Variants in SYT9 observed in about 807,000 individuals in gnomAD.
The protein encoded by SYT9 is synaptotagmin-9.
A neutral mutation model predicts 48.4 loss-of-function variants in SYT9; 22 were observed. The ratio of observed to expected loss-of-function variants is 0.45; its 90% CI spans 0.32 to 0.65. SYT9 has a LOEUF of 0.65. Ranked by LOEUF, SYT9 falls within the 30% of genes least tolerant of loss-of-function variation. The pLI is 0.03. For synonymous variants in SYT9, 265 were observed against 245.0 expected (o/e 1.08, Z -0.76); for missense variants, 577 against 622.0 (o/e 0.93, Z 0.77).
chr11:7,379,398 C>G (rs1208666310), intron 3 of SYT9, among the ~76,000 whole-genome samples: 5 of 152,064 alleles, frequency 3.3e-5, no homozygotes, highest in Non-Finnish European at 7.4e-5. Flanking sequence ...TCCTAGGATG[C>G]TGAATTAAGC....
At chr11:7,401,785 A>G (rs1846898339) in intron 3 of SYT9, among the ~76,000 whole-genome samples, 1 of 151,490 alleles carries the variant, frequency 6.6e-6, no homozygotes, top group Non-Finnish European at 1.5e-5. Flanking sequence ...TTTCTGATCC[A>G]GTGTCACTAG....
intron 3 of SYT9, among the ~76,000 whole-genome samples, chr11:7,379,538 G>GT (rs1401013110): frequency 6.6e-6 from 1 of 152,058 alleles, no homozygotes; most frequent in Admixed American, 6.6e-5. Context: ...ATCTTCTTGT[G>GT]TCTTCTCCTT....
chr11:7,367,276 G>T (rs1290083392), intron 3 of SYT9, among the ~76,000 whole-genome samples: 1 of 144,928 alleles, frequency 6.9e-6, no homozygotes. Context: ...GGTATTTTTA[G>T]TAGAGACGGG....
At chr11:7,417,607 C>A (rs1847276505) in intron 4 of SYT9, among the ~76,000 whole-genome samples, 1 of 152,182 alleles carries the variant, frequency 6.6e-6, no homozygotes, top group Non-Finnish European at 1.5e-5. Flanking sequence ...AGCTGGGGGG[C>A]CTGTTTTCAG....
chr11:7,339,357 G>C (rs1849678427), intron 3 of SYT9, among the ~76,000 whole-genome samples: 1 of 152,066 alleles, frequency 6.6e-6, no homozygotes, highest in Admixed American at 6.6e-5. Context: ...TTACATTCAA[G>C]GTTAATATTG....
chr11:7,355,785 C>T (rs1850010563), intron 3 of SYT9, among the ~76,000 whole-genome samples: 1 of 152,222 alleles, frequency 6.6e-6, no homozygotes. Flanking sequence ...TGTTCAATGT[C>T]ACCTGGAGCT....
chr11:7,333,146 G>C (rs886985051), intron 3 of SYT9, among the ~76,000 whole-genome samples: 4 of 152,170 alleles, frequency 2.6e-5, no homozygotes, highest in Admixed American at 1.3e-4. Flanking sequence ...CCTTCAGATT[G>C]GATTATGCTT....
intron 3 of SYT9, among the ~76,000 whole-genome samples, chr11:7,390,741 G>C (rs1189591715): frequency 6.6e-6 from 1 of 152,094 alleles, no homozygotes; most frequent in Non-Finnish European, 1.5e-5. Flanking sequence ...AACCATCAGG[G>C]CATATTCTCT....
Position 7,252,304 on chromosome 11 carries a change from CGTGCCAGACCCCGG to C in SYT9, c.119_132del (p.Arg40ProfsTer47). 6.6e-7 allele frequency: 1 copy of C among 1,505,716 alleles called. No homozygotes were observed. Among genetic ancestry groups the C allele is most frequent in the Non-Finnish European group, 8.9e-7 (1 of 1,126,606 alleles). The allele number at this position is 1,505,716 out of a possible 1,614,324, so 93.3% of individuals were successfully genotyped here. ...GGATTTCATTTACCACCTGCGGGAC[CGTGCCAGACCCCGG>C]CTCCGCGACCCAGGTGAGTGCCGCC... is the stretch of plus-strand genomic sequence containing the variant. On this transcript the variant is annotated frameshift_variant, in exon 1 of 7. Coordinates refer to ENST00000318881, the MANE Select transcript of SYT9 (RefSeq NM_175733.4). LOFTEE classifies it high-confidence loss of function. The surrounding 1 kb of genome is among the most constrained non-coding windows in gnomAD (Gnocchi z 6.3).
At chr11:7,308,693 A>T (rs1472956280) in intron 2 of SYT9, among the ~76,000 whole-genome samples, 1 of 152,114 alleles carries the variant, frequency 6.6e-6, no homozygotes. Context: ...TCTCCCTCTC[A>T]TCTTCTGGTG....
intron 1 of SYT9, among the ~76,000 whole-genome samples, chr11:7,239,611 A>G (rs557179477): frequency 6.6e-6 from 1 of 152,348 alleles, no homozygotes; most frequent in South Asian, 2.1e-4. Context: ...TCTGTAGACT[A>G]ATAGATACTG....
chr11:7,280,047 T>C (rs531245614), intron 1 of SYT9, among the ~76,000 whole-genome samples: 2 of 152,324 alleles, frequency 1.3e-5, no homozygotes, highest in African/African-American at 4.8e-5. Flanking sequence ...GCTGCCTGGA[T>C]TGGGGGCAGG....
intron 4 of SYT9, among the ~76,000 whole-genome samples, chr11:7,417,524 TAG>T (rs1847274566): frequency 6.6e-6 from 1 of 152,134 alleles, no homozygotes; most frequent in Admixed American, 6.5e-5. Context: ...CTCTGTCCTC[TAG>T]GAATTCAGAA....
chr11:7,391,775 G>T (rs1846620996), intron 3 of SYT9, among the ~76,000 whole-genome samples: 1 of 96,756 alleles, frequency 1.0e-5, no homozygotes, highest in Non-Finnish European at 2.3e-5. Flanking sequence ...ACCTAGCTAG[G>T]CGTGGTGGCA....
intron 6 of SYT9, among the ~76,000 whole-genome samples, chr11:7,463,108 G>T (rs1198757758): frequency 6.6e-6 from 1 of 152,168 alleles, no homozygotes; most frequent in Non-Finnish European, 1.5e-5. Flanking sequence ...TACTGGAGTT[G>T]TTGGTACCTT....
intron 3 of SYT9, among the ~76,000 whole-genome samples, chr11:7,375,344 GT>G (rs1460077826): frequency 3.3e-5 from 5 of 152,160 alleles, no homozygotes; most frequent in African/African-American, 1.2e-4. Context: ...TTGAAATCAG[GT>G]AGCGTGATGC....
At chr11:7,449,718 C>G (rs1848008074) in intron 6 of SYT9, among the ~76,000 whole-genome samples, 1 of 152,122 alleles carries the variant, frequency 6.6e-6, no homozygotes, top group Admixed American at 6.6e-5. Context: ...CCACAGGAAG[C>G]AAGGTGACCA....
At chr11:7,403,529 G>T (rs1476203677) in intron 3 of SYT9, among the ~76,000 whole-genome samples, 1 of 151,952 alleles carries the variant, frequency 6.6e-6, no homozygotes, top group Admixed American at 6.6e-5. Flanking sequence ...TCCAGTCTGG[G>T]CAACAAAGCA....
intron 2 of SYT9, among the ~76,000 whole-genome samples, chr11:7,306,720 T>A (rs979461394): frequency 6.6e-6 from 1 of 152,172 alleles, no homozygotes; most frequent in Non-Finnish European, 1.5e-5. Flanking sequence ...CCCCGGCCAC[T>A]CCATCTGAAG....
Sources: allele counts gnomAD v4.1 joint callset (sites outside exome capture counted in the v4.1 genomes callset), GRCh38; gene constraint gnomAD v4.1.1; non-coding constraint Gnocchi (gnomAD v3.1); transcripts MANE v1.5; gene names NCBI Gene and HGNC (gene_info 2026-07-23, HGNC 2026-07-21).